Variants in KLF8 observed in about 807,000 individuals in gnomAD.
The protein encoded by KLF8 is Krueppel-like factor 8.
KLF8 carries 10 observed loss-of-function variants against 18.2 expected under a neutral mutation model. That is an observed-to-expected ratio of 0.55 (90% CI 0.34 to 0.93). KLF8 has a LOEUF of 0.93. Ranked by LOEUF, KLF8 falls within the 40% of genes least tolerant of loss-of-function variation. The probability of loss-of-function intolerance (pLI) is 0.02; values close to 1 mark genes in which losing one functional copy is unlikely to be tolerated. For missense variants in KLF8, 264 were observed against 277.9 expected (o/e 0.95, Z 0.36); for synonymous variants, 109 against 97.3 (o/e 1.12, Z -0.71).
intron 1 of KLF8, among the ~76,000 whole-genome samples, chrX:56,236,595 A>AC (rs896088036): frequency 2.2e-4 from 24 of 111,410 alleles, no homozygotes; most frequent in Non-Finnish European, 1.7e-4. Context: ...TAGCCTACAG[A>AC]CCAACTAAAG....
At chrX:56,144,823 C>T in the KLF8 span, among the ~76,000 whole-genome samples, 5 of 106,734 alleles carry the variant, frequency 4.7e-5, no homozygotes, top group African/African-American at 1.0e-4. Context: ...GATGGAGTCT[C>T]GCTCTGTTGC....
chrX:56,175,767 T>G, the KLF8 span, among the ~76,000 whole-genome samples: 1 of 111,701 alleles, frequency 9.0e-6, no homozygotes, highest in South Asian at 3.8e-4. Flanking sequence ...AGTTGCTTTA[T>G]GAATCTGGGT....
At chrX:56,077,155 A>G in the KLF8 span, among the ~76,000 whole-genome samples, 1 of 111,638 alleles carries the variant, frequency 9.0e-6, no homozygotes, top group Non-Finnish European at 1.9e-5. Context: ...ATTAGATCCC[A>G]TTTGTCAATT....
At chrX:56,139,578 G>T in the KLF8 span, among the ~76,000 whole-genome samples, 1 of 111,317 alleles carries the variant, frequency 9.0e-6, no homozygotes, top group Non-Finnish European at 1.9e-5. Flanking sequence ...AATAAATGGT[G>T]CTGTGATTGA....
chrX:56,188,552 G>A, the KLF8 span, among the ~76,000 whole-genome samples: 3 of 111,503 alleles, frequency 2.7e-5, no homozygotes, highest in African/African-American at 9.8e-5. Flanking sequence ...AAAAAGAGAC[G>A]CATCACCAAG....
the KLF8 span, among the ~76,000 whole-genome samples, chrX:56,166,680 C>T: frequency 7.2e-5 from 8 of 111,819 alleles, no homozygotes; most frequent in Non-Finnish European, 1.5e-4. Context: ...ATTCAGGGCT[C>T]TTTAGTGTCC....
chrX:56,068,970 C>A, the KLF8 span, among the ~76,000 whole-genome samples: 12 of 112,246 alleles, frequency 1.1e-4, no homozygotes, highest in African/African-American at 3.6e-4. Flanking sequence ...GTCAGCCATG[C>A]ACATGACACT....
rs1024570270 is a variant in KLF8, at chrX:56,265,424, G to A, written c.326G>A (p.Arg109His). ...GCTAGCATGCTACAAGCTCCAATAC[G>A]TCCCCCCAAGCCACAGTCTTCTCCC... ...QPASMLQAPIRPPKPQSSPQT... is the reference protein window; with the variant it reads ...QPASMLQAPIHPPKPQSSPQT... Residue 109 changes from arginine to histidine, a missense_variant, in exon 3 of 6, where the codon CGT (arginine) becomes CAT (histidine). Physicochemically the swap from Arg to His is conservative, Grantham distance 29 (BLOSUM62 0). Coordinates refer to ENST00000468660, the MANE Select transcript of KLF8 (RefSeq NM_007250.5). 2.0e-5 allele frequency: 24 copies of A among 1,209,168 alleles called. No homozygotes were observed. Among genetic ancestry groups the A allele is most frequent in the East Asian group, 3.0e-5 (1 of 33,756 alleles).
At chrX:56,080,968 C>T in the KLF8 span, among the ~76,000 whole-genome samples, 20 of 111,030 alleles carry the variant, frequency 1.8e-4, no homozygotes, top group African/African-American at 5.6e-4. Context: ...GCATTCTTCA[C>T]GTAGTTCTCG....
chrX:56,120,548 C>A, the KLF8 span, among the ~76,000 whole-genome samples: 1 of 111,322 alleles, frequency 9.0e-6, no homozygotes, highest in African/African-American at 3.3e-5. Flanking sequence ...AATGGCTTTA[C>A]CCCATTTCCT....
chrX:56,212,951 G>A, the KLF8 span, among the ~76,000 whole-genome samples: 1 of 112,130 alleles, frequency 8.9e-6, no homozygotes, highest in Non-Finnish European at 1.9e-5. Flanking sequence ...TGGAGGTGGT[G>A]TTATATTAGA....
the KLF8 span, among the ~76,000 whole-genome samples, chrX:56,114,422 G>A: frequency 8.9e-6 from 1 of 112,810 alleles, no homozygotes; most frequent in African/African-American, 3.2e-5. Context: ...AATATCTTGC[G>A]CAAGTGCTTG....
Position 56,244,248 on chromosome X carries a change from C to A in KLF8, c.8-5983C>A, listed in dbSNP as rs755710765. 2.7e-5 allele frequency among the ~76,000 whole-genome samples: 3 copies of A among 111,984 alleles called. No homozygotes were observed. In the Admixed American group the frequency reaches 2.8e-4, roughly 11 times the overall value. On this transcript the variant is annotated intron_variant, in intron 1 of 5. Coordinates refer to ENST00000468660, the MANE Select transcript of KLF8 (RefSeq NM_007250.5). ...CTGTTTTTGAAACAGGGTCTCTCTG[C>A]ACCCAGGCTAGACTGCGGTGGCACA... is the stretch of plus-strand genomic sequence containing the variant.
At chrX:55,967,425 G>A in the KLF8 span, among the ~76,000 whole-genome samples, 2 of 110,574 alleles carry the variant, frequency 1.8e-5, no homozygotes, top group African/African-American at 6.6e-5. Flanking sequence ...AGACTTTTCA[G>A]TGAAAATCTT....
the KLF8 span, among the ~76,000 whole-genome samples, chrX:55,914,337 CA>C: frequency 9.0e-6 from 1 of 111,726 alleles, no homozygotes; most frequent in Non-Finnish European, 1.9e-5. Context: ...CCTGGGTATA[CA>C]AAAATCTGAG....
chrX:55,961,826 G>T, the KLF8 span: 1 of 277,194 alleles, frequency 3.6e-6, no homozygotes. Context: ...CTGCATGCCT[G>T]TGCCCATAAT....
chrX:56,190,766 T>A, the KLF8 span, among the ~76,000 whole-genome samples: 3 of 111,353 alleles, frequency 2.7e-5, no homozygotes, highest in Admixed American at 9.6e-5. Flanking sequence ...AAAACATTTC[T>A]TGAAAGAAGT....
chrX:56,137,470 T>C, the KLF8 span, among the ~76,000 whole-genome samples: 11 of 104,502 alleles, frequency 1.1e-4, no homozygotes, highest in East Asian at 3.1e-4. Flanking sequence ...ATGGATGAAA[T>C]TGGAAATCAT....
chrX:56,143,229 C>T, the KLF8 span, among the ~76,000 whole-genome samples: 1 of 111,704 alleles, frequency 9.0e-6, no homozygotes, highest in African/African-American at 3.3e-5. Flanking sequence ...TAGTTATTCC[C>T]TCTGCTTAAA....
Sources: gnomAD v4.1 joint callset for allele counts (sites outside exome capture counted in the v4.1 genomes callset) on GRCh38, gnomAD v4.1.1 for gene constraint, MANE v1.5 for transcripts, NCBI Gene and HGNC (gene_info 2026-07-23, HGNC 2026-07-21) for gene names.